KIT: variants seen among roughly 807,000 people sequenced by gnomAD.
KIT encodes mast/stem cell growth factor receptor Kit.
In KIT, 16 loss-of-function variants were observed where a neutral mutation model predicts 105.7. That is an observed-to-expected ratio of 0.15 (90% CI 0.10 to 0.23). The LOEUF (loss-of-function observed/expected upper bound fraction) is 0.23. KIT is among the 10% of genes least tolerant of loss of function. The pLI is 1.00. For missense variants in KIT, 858 were observed against 1,213.8 expected (o/e 0.71, Z 4.36); for synonymous variants, 438 against 441.1 (o/e 0.99, Z 0.09).
chr4:54,672,956 C>T (rs1475894895), intron 1 of KIT, among the ~76,000 whole-genome samples: 1 of 152,120 alleles, frequency 6.6e-6, no homozygotes, highest in Non-Finnish European at 1.5e-5. Context: ...TGCTTGGATA[C>T]CTTTATTATT....
Position 54,709,559 on chromosome 4 carries a change from C to A in KIT, c.1231+20C>A. The A allele has an allele frequency of 6.9e-7, 1 of 1,441,200 alleles. No individual in the cohort carries two copies. The highest frequency in any genetic ancestry group is 9.8e-7 in the Non-Finnish European group (1 of 1,022,456). 89.3% of individuals were successfully genotyped at this position (1,441,200 alleles called of 1,614,324 possible). A position where few individuals can be genotyped will look rare whatever the true frequency, so the allele number is the denominator to read the frequency against. ...TGAATAGTAAGTAACATGAAGGGCT[C>A]CTTTTAATTTTTTATTCTTTTAAAG... On this transcript the variant is annotated intron_variant, in intron 7 of 20. Coordinates refer to ENST00000288135, the MANE Select transcript of KIT (RefSeq NM_000222.3).
At chr4:54,728,272 T>C (rs1722369441) in intron 13 of KIT, 151 bp downstream of exon 13, 1 of 714,204 alleles carries the variant, frequency 1.4e-6, no homozygotes, top group African/African-American at 1.7e-5. Flanking sequence ...GTTTTCCTCA[T>C]TGTTCTTAAG....
rs1720997965 is a variant in KIT at position 54,709,434 on chromosome 4, G to A, written c.1126G>A (p.Glu376Lys). The change falls in exon 7 of 21, where the codon GAA (glutamate) becomes AAA (lysine). Residue 376 changes from glutamate to lysine, a missense_variant. By Grantham distance (56) the Glu-to-Lys change is moderately conservative. Transcript: ENST00000288135. The part of the protein sequence containing the change: ...ENESNIRYVS[E>K]LHLTRLKGTE... ...GTCTTTTCTTTGTAGATACGTAAGTGAACTTCATCTAACGAGATTAAAAGG... is the reference window on the plus strand; with the variant it reads ...GTCTTTTCTTTGTAGATACGTAAGTAAACTTCATCTAACGAGATTAAAAGG... 1 of 1,608,540 alleles carries A rather than the reference G, an allele frequency of 6.2e-7. No homozygotes were observed.
At position 54,728,137 on chromosome 4, in the gene KIT, A is replaced by G. The variant is rs746130769; in HGVS notation, c.1990+16A>G. The G allele has an allele frequency of 5.1e-6, 8 of 1,559,308 alleles. No homozygotes were observed. Among genetic ancestry groups the G allele is most frequent in the Admixed American group, 5.0e-5 (3 of 59,886 alleles). ...ACCATTGGAGGTAAAGCCGTGTCCA[A>G]GCTGCCTTTTATTGTCTGTCAGGTT... On this transcript the variant is annotated intron_variant, in intron 13 of 20. Transcript: ENST00000288135.
intron 8 of KIT, among the ~76,000 whole-genome samples, chr4:54,725,624 T>C (rs1425711619): frequency 6.6e-6 from 1 of 152,130 alleles, no homozygotes; most frequent in Non-Finnish European, 1.5e-5. Flanking sequence ...GGTTAAAAAC[T>C]CATCAGGATT....
chr4:54,690,050 T>C (rs968895769), intron 1 of KIT, among the ~76,000 whole-genome samples: 6 of 118,784 alleles, frequency 5.1e-5, no homozygotes, highest in African/African-American at 2.1e-4. Context: ...AATGTTACTT[T>C]TTTTTTGTGG....
At chr4:54,733,832 A>G (rs2237012) in intron 17 of KIT, among the ~76,000 whole-genome samples, 27,633 of 152,118 alleles carry the variant, frequency 0.18, 4,157 homozygotes, top group African/African-American at 0.42. Flanking sequence ...ACAGGACAAT[A>G]GAGGCTGAAA....
chr4:54,703,606 T>G (rs950734717), intron 4 of KIT, 118 bp from the exon 5 acceptor site: 1 of 772,830 alleles, frequency 1.3e-6, no homozygotes, highest in Non-Finnish European at 2.2e-6. Flanking sequence ...AAGTAGTGTA[T>G]AATGAAAGTT....
chr4:54,733,178 G>A lies in KIT; in HGVS notation c.2470G>A (p.Val824Met), dbSNP rs1393694683. Residue 824 changes from valine (V) to methionine (M), a missense_variant, in exon 17 of 21, where the codon GTG becomes ATG. Val to Met is a conservative substitution (Grantham distance 21, BLOSUM62 1). Coordinates refer to ENST00000288135, the MANE Select transcript of KIT (RefSeq NM_000222.3). ...AGACATCAAGAATGATTCTAATTAT[G>A]TGGTTAAAGGAAACGTGAGTACCCA... ...ARDIKNDSNY[V>M]VKGNARLPVK... 6.2e-7 allele frequency: 1 copy of A among 1,612,504 alleles called. No homozygotes were observed. Among genetic ancestry groups the A allele is most frequent in the African/African-American group, 1.3e-5 (1 of 74,834 alleles).
At chr4:54,709,126 G>A (rs369078667) in intron 6 of KIT, among the ~76,000 whole-genome samples, 3 of 152,070 alleles carry the variant, frequency 2.0e-5, no homozygotes, top group Admixed American at 2.0e-4. Flanking sequence ...CCAGGGTGGT[G>A]GGGGGAGGGC....
At chr4:54,725,493 T>C (rs551294897) in intron 8 of KIT, among the ~76,000 whole-genome samples, 2 of 152,316 alleles carry the variant, frequency 1.3e-5, no homozygotes, top group Admixed American at 1.3e-4. Flanking sequence ...TTTAGGGATC[T>C]ACTGTGTACC....
intron 1 of KIT, among the ~76,000 whole-genome samples, chr4:54,682,609 A>T (rs1427764940): frequency 6.6e-6 from 1 of 151,868 alleles, no homozygotes; most frequent in Non-Finnish European, 1.5e-5. Context: ...TGGTATTTTT[A>T]GTAGAGACAG....
At chr4:54,719,149 C>T in intron 7 of KIT, among the ~76,000 whole-genome samples, 1 of 152,018 alleles carries the variant, frequency 6.6e-6, no homozygotes, top group Non-Finnish European at 1.5e-5. Context: ...CGTTTTTTGT[C>T]CTGCTGATTA....
In KIT at chr4:54,695,552, A is replaced by ACCAT. The variant is rs1161473997; in HGVS notation, c.120_123dup (p.Gly42SerfsTer15). ...CTGTGAGTCCAGGGGAACCGTCTCC[A>ACCAT]CCATCCATCCATCCAGGAAAATCAG... On this transcript the variant is annotated frameshift_variant, in exon 2 of 21. Coordinates refer to ENST00000288135, the MANE Select transcript of KIT (RefSeq NM_000222.3). LOFTEE classifies it high-confidence loss of function. 6.2e-7 allele frequency: 1 copy of ACCAT among 1,614,224 alleles called. No individual in the cohort carries two copies. Among genetic ancestry groups the ACCAT allele is most frequent in the African/African-American group, 1.3e-5 (1 of 75,066 alleles).
chr4:54,738,348 A>G, intron 20 of KIT, 81 bp from the exon 21 acceptor site: 2 of 1,530,288 alleles, frequency 1.3e-6, no homozygotes, highest in African/African-American at 2.7e-5. Flanking sequence ...GTTAGTTGTG[A>G]TCTTGACACT....
intron 8 of KIT, among the ~76,000 whole-genome samples, chr4:54,725,642 G>A (rs1175286653): frequency 6.6e-6 from 1 of 152,084 alleles, no homozygotes; most frequent in African/African-American, 2.4e-5. Context: ...ATTCAAACCC[G>A]CATCTGACTC....
chr4:54,681,649 A>T (rs922162314), intron 1 of KIT, among the ~76,000 whole-genome samples: 2 of 152,174 alleles, frequency 1.3e-5, no homozygotes, highest in Non-Finnish European at 2.9e-5. Context: ...GTGTCGAATG[A>T]TACTTGCATC....
At chr4:54,726,135 G>A in intron 9 of KIT, 85 bp downstream of exon 9, 1 of 1,112,368 alleles carries the variant, frequency 9.0e-7, no homozygotes, top group Non-Finnish European at 1.4e-6. Context: ...TTCCAACATT[G>A]ACCATGTCAT....
intron 18 of KIT, 37 bp downstream of exon 18, chr4:54,736,646 T>G: frequency 6.3e-7 from 1 of 1,597,820 alleles, no homozygotes; most frequent in Non-Finnish European, 8.6e-7. Flanking sequence ...TTCATTAGAC[T>G]CAGAGCATCT....
Sources: gnomAD v4.1 joint callset for allele counts (sites outside exome capture counted in the v4.1 genomes callset) on GRCh38, gnomAD v4.1.1 for gene constraint, MANE v1.5 for transcripts, NCBI Gene and HGNC (gene_info 2026-07-23, HGNC 2026-07-21) for gene names.